Variants in ZDHHC14 observed in about 807,000 individuals in gnomAD.
The protein encoded by ZDHHC14 is palmitoyltransferase ZDHHC14.
ZDHHC14 carries 16 observed loss-of-function variants against 47.7 expected under a neutral mutation model. That is an observed-to-expected ratio of 0.34 (90% confidence interval 0.23 to 0.51). ZDHHC14 has a LOEUF of 0.51. Among genes scored for constraint, ZDHHC14 ranks in the 20% least tolerant of loss-of-function variants. The pLI is 0.97. For missense variants in ZDHHC14, 515 were observed against 662.5 expected, an observed-to-expected ratio of 0.78 and a Z score of 2.44; for synonymous variants, 293 against 278.9, an observed-to-expected ratio of 1.05 and a Z score of -0.50.
intron 1 of ZDHHC14, among the ~76,000 whole-genome samples, chr6:157,460,225 A>AC (rs1404978929): frequency 6.7e-6 from 1 of 150,106 alleles, no homozygotes; most frequent in Non-Finnish European, 1.5e-5. Context: ...AAAACAAAAA[A>AC]CAAAACAAAA....
chr6:157,395,490 T>G, intron 1 of ZDHHC14, among the ~76,000 whole-genome samples: 1 of 151,768 alleles, frequency 6.6e-6, no homozygotes, highest in South Asian at 2.1e-4. Context: ...GTTCCTTCAC[T>G]CTAGCCTTAA....
chr6:157,384,085 GT>G (rs772340103), intron 1 of ZDHHC14, among the ~76,000 whole-genome samples: 3 of 152,130 alleles, frequency 2.0e-5, no homozygotes, highest in Non-Finnish European at 4.4e-5. Context: ...TGTTCCTACA[GT>G]TTTTTAAAAA....
intron 1 of ZDHHC14, among the ~76,000 whole-genome samples, chr6:157,402,963 C>A (rs559997865): frequency 6.6e-6 from 1 of 152,274 alleles, no homozygotes; most frequent in East Asian, 1.9e-4. Flanking sequence ...TCGAACTGGC[C>A]ACCTCAGGTG....
At chr6:157,500,917 T>C (rs1325482658) in intron 1 of ZDHHC14, among the ~76,000 whole-genome samples, 1 of 152,234 alleles carries the variant, frequency 6.6e-6, no homozygotes, top group African/African-American at 2.4e-5. Flanking sequence ...CCGATGTTCC[T>C]TAGTTGGAAA....
intron 1 of ZDHHC14, among the ~76,000 whole-genome samples, chr6:157,411,835 G>A (rs1014102132): frequency 6.6e-6 from 1 of 151,800 alleles, no homozygotes; most frequent in Admixed American, 6.6e-5. Context: ...CATTAGATAT[G>A]TGTGCAATTG....
chr6:157,627,770 T>C (rs1474374700), intron 3 of ZDHHC14, among the ~76,000 whole-genome samples: 1 of 152,210 alleles, frequency 6.6e-6, no homozygotes, highest in Non-Finnish European at 1.5e-5. Context: ...ATCTGTAAAA[T>C]AGGGTAACAC....
In ZDHHC14 at chr6:157,592,963, G is replaced by A. The variant is rs199614079; in HGVS notation, c.407-25G>A. On this transcript the variant is annotated intron_variant, in intron 2 of 8. Transcript: ENST00000359775. ...GCAGAGGGAGGCTCTGAAGGTGTGC[G>A]CTCTTTCTCTTCTTTTCTCCACAGA... is the stretch of plus-strand genomic sequence containing the variant. 639 of 1,599,224 alleles carry A rather than the reference G, an allele frequency of 4.0e-4. 5 individuals are homozygous for A. In the East Asian group the frequency reaches 9.6e-3, roughly 24 times the overall value.
At chr6:157,478,557 G>C (rs1779545119) in intron 1 of ZDHHC14, among the ~76,000 whole-genome samples, 1 of 152,114 alleles carries the variant, frequency 6.6e-6, no homozygotes, top group Non-Finnish European at 1.5e-5. Flanking sequence ...TGACTGGATT[G>C]GCTTTCACTA....
At chr6:157,655,014 C>T (rs1249508141) in intron 8 of ZDHHC14, among the ~76,000 whole-genome samples, 2 of 152,100 alleles carry the variant, frequency 1.3e-5, no homozygotes, top group African/African-American at 2.4e-5. Flanking sequence ...GGATGACGGG[C>T]GTGAGCCACT....
intron 1 of ZDHHC14, among the ~76,000 whole-genome samples, chr6:157,393,375 A>C (rs1777457735): frequency 1.3e-5 from 2 of 152,192 alleles, no homozygotes; most frequent in Non-Finnish European, 2.9e-5. Flanking sequence ...TTGCCCTGAG[A>C]TAATCTTATC....
intron 1 of ZDHHC14, among the ~76,000 whole-genome samples, chr6:157,496,775 T>C (rs1780076019): frequency 6.6e-6 from 1 of 152,202 alleles, no homozygotes; most frequent in South Asian, 2.1e-4. Context: ...ACATTTCTGT[T>C]GTTTTCAGTC....
chr6:157,433,432 G>C (rs1018009628), intron 1 of ZDHHC14, among the ~76,000 whole-genome samples: 1 of 152,100 alleles, frequency 6.6e-6, no homozygotes, highest in Non-Finnish European at 1.5e-5. Context: ...AATAAAGAAA[G>C]AAAAAGATTA....
intron 3 of ZDHHC14, among the ~76,000 whole-genome samples, chr6:157,622,124 A>C (rs555642661): frequency 6.6e-6 from 1 of 151,382 alleles, no homozygotes; most frequent in South Asian, 2.1e-4. Flanking sequence ...TAATCCCAGC[A>C]CTTTGGGAGG....
At chr6:157,672,624 ACC>A in intron 8 of ZDHHC14, 98 bp from the exon 9 acceptor site, 3 of 273,144 alleles carry the variant, frequency 1.1e-5, no homozygotes, top group Non-Finnish European at 2.2e-5. Context: ...CTCTTCTCGC[ACC>A]CCACCCTCCC....
chr6:157,453,733 T>G (rs972700184), intron 1 of ZDHHC14, among the ~76,000 whole-genome samples: 2 of 152,118 alleles, frequency 1.3e-5, no homozygotes, highest in Non-Finnish European at 2.9e-5. Flanking sequence ...GACTACCTGG[T>G]CCACCTGAAC....
At chr6:157,603,201 G>T (rs544802985) in intron 3 of ZDHHC14, among the ~76,000 whole-genome samples, 1 of 152,372 alleles carries the variant, frequency 6.6e-6, no homozygotes, top group African/African-American at 2.4e-5. Context: ...TGTTTACAAT[G>T]AATCCAGAAG....
chr6:157,550,595 G>C (rs1782190480), intron 2 of ZDHHC14, among the ~76,000 whole-genome samples: 1 of 150,926 alleles, frequency 6.6e-6, no homozygotes, highest in South Asian at 2.1e-4. Flanking sequence ...ACACTCTAGA[G>C]AGAACATGGT....
chr6:157,382,026 C>T lies in ZDHHC14; in HGVS notation c.5C>T (p.Pro2Leu), dbSNP rs547919688. The T allele has an allele frequency of 3.5e-5, 53 of 1,518,452 alleles. No individual in the cohort carries two copies. The African/African-American group carries it at 6.3e-4, about 18-fold the overall frequency. 94.1% of individuals were successfully genotyped at this position (1,518,452 alleles called of 1,614,324 possible). A position where few individuals can be genotyped will look rare whatever the true frequency, so the allele number is the denominator to read the frequency against. Residue 2 changes from proline (P) to leucine (L), a missense_variant, in exon 1 of 9, where the codon CCT becomes CTT. This residue lies in a region of ZDHHC14 where 59 missense variants were observed against 57.7 expected (regional missense o/e 1.02). Coordinates refer to ENST00000359775, the MANE Select transcript of ZDHHC14 (RefSeq NM_024630.3). M[P>L]PGGGGPMKDC... ...CCCAGCCGGCTGCCCTCGTGGATGC[C>T]TCCCGGCGGCGGCGGGCCCATGAAA...
At chr6:157,561,958 G>A (rs11489176) in intron 2 of ZDHHC14, among the ~76,000 whole-genome samples, 30,960 of 144,812 alleles carry the variant, frequency 0.21, 3,362 homozygotes, top group Middle Eastern at 0.33. Flanking sequence ...TGTTCTCAGA[G>A]GGTTAGATAC....
Sources: allele counts gnomAD v4.1 joint callset (sites outside exome capture counted in the v4.1 genomes callset), GRCh38; gene constraint gnomAD v4.1.1; regional missense constraint gnomAD v4.1.1; transcripts MANE v1.5; gene names NCBI Gene and HGNC (gene_info 2026-07-23, HGNC 2026-07-21).